The following AP3M2 variants were observed in gnomAD, a reference collection of about 807,000 sequenced individuals.
AP3M2 encodes AP-3 complex subunit mu-2.
In AP3M2, 28 loss-of-function variants were observed where a neutral mutation model predicts 41.6. The ratio of observed to expected loss-of-function variants is 0.67; its 90% CI spans 0.50 to 0.92. The LOEUF is 0.92. Among genes scored for constraint, AP3M2 ranks in the 40% least tolerant of loss-of-function variants. The probability of loss-of-function intolerance (pLI) is 0.00; values close to 1 mark genes in which losing one functional copy is unlikely to be tolerated. For synonymous variants in AP3M2, 193 were observed against 186.4 expected, an observed-to-expected ratio of 1.04 and a Z score of -0.29; for missense variants, 427 against 521.4, an observed-to-expected ratio of 0.82 and a Z score of 1.76.
At chr8:42,164,843 T>C (rs1804597833) in intron 4 of AP3M2, among the ~76,000 whole-genome samples, 1 of 152,172 alleles carries the variant, frequency 6.6e-6, no homozygotes, top group African/African-American at 2.4e-5. Flanking sequence ...CTCACCATAG[T>C]GTCTCATGCT....
chr8:42,169,031 C>G lies in AP3M2; in HGVS notation c.1227C>G (p.Thr409=). 3 of 1,611,396 alleles carry G rather than the reference C, an allele frequency of 1.9e-6. No individual in the cohort carries two copies. Among genetic ancestry groups the G allele is most frequent in the Non-Finnish European group, 2.5e-6 (3 of 1,178,846 alleles). ...CCTTTAAGGGCATAAAATACATGAC[C>G]AAAGCTGGGAAGTTCCAAGTTCGAA... ...YKPFKGIKYM[T]KAGKFQVRT is the part of the protein sequence containing the mutation. Residue 409 remains threonine (T), a synonymous_variant, in exon 9 of 9, where the codon ACC becomes ACG. Coordinates refer to ENST00000396926, the MANE Select transcript of AP3M2 (RefSeq NM_006803.4).
At chr8:42,160,220 ATT>A (rs970601276) in intron 3 of AP3M2, among the ~76,000 whole-genome samples, 30 of 152,298 alleles carry the variant, frequency 2.0e-4, no homozygotes, top group African/African-American at 7.2e-4. Flanking sequence ...AATTTGAAAC[ATT>A]TCTGGTCCTG....
intron 8 of AP3M2, chr8:42,168,092 C>T: frequency 1.8e-6 from 1 of 565,746 alleles, no homozygotes; most frequent in Non-Finnish European, 3.3e-6. Context: ...TTTGGATCAT[C>T]TTAGGGTTGT....
chr8:42,167,115 C>T (rs953583715), intron 6 of AP3M2, 49 bp from the exon 7 acceptor site: 24 of 1,550,148 alleles, frequency 1.5e-5, no homozygotes, highest in African/African-American at 4.1e-5. Flanking sequence ...GGAAGAACTA[C>T]CATTTTCCCA....
chr8:42,154,893 T>C lies in AP3M2; in HGVS notation c.206T>C (p.Val69Ala). 4 of 1,614,212 alleles carry C rather than the reference T, an allele frequency of 2.5e-6. No individual in the cohort carries two copies. Among genetic ancestry groups the C allele is most frequent in the Non-Finnish European group, 3.4e-6 (4 of 1,180,034 alleles). The change falls in exon 2 of 9, where the codon GTG becomes GCG. Residue 69 changes from valine (V) to alanine (A), a missense_variant. Around this residue, in one of 3 missense-constraint regions of AP3M2, gnomAD observed 104 missense variants for 93.8 expected, o/e 1.11. Coordinates refer to ENST00000396926, the MANE Select transcript of AP3M2 (RefSeq NM_006803.4). Reference sequence around the variant, plus strand: ...CGCCACAAGATCTTTTTTGTGGCCGTGATCCAGACGGAGGTCCCCCCTCTG... The same window carrying C: ...CGCCACAAGATCTTTTTTGTGGCCGCGATCCAGACGGAGGTCCCCCCTCTG... ...VYRHKIFFVAVIQTEVPPLFV... is the reference protein window; with the variant it reads ...VYRHKIFFVAAIQTEVPPLFV...
chr8:42,161,886 C>T (rs1804514974), intron 3 of AP3M2, among the ~76,000 whole-genome samples: 2 of 151,960 alleles, frequency 1.3e-5, no homozygotes, highest in African/African-American at 2.4e-5. Context: ...ATAAATGTAC[C>T]TAAGAACCTA....
Position 42,167,257 on chromosome 8 carries a change from G to T in AP3M2, c.897G>T (p.Gln299His). Residue 299 changes from glutamine to histidine, a missense_variant, in exon 7 of 9, where the codon CAG becomes CAT. Physicochemically the swap from Gln to His is conservative, Grantham distance 24. Coordinates refer to ENST00000396926, the MANE Select transcript of AP3M2 (RefSeq NM_006803.4). Reference sequence around the variant, plus strand: ...TTGAAATAACGGTGGGACCCAAGCAGACGATGGGGAAGACCATTGAGGGAG... The same window carrying T: ...TTGAAATAACGGTGGGACCCAAGCATACGATGGGGAAGACCATTGAGGGAG... The part of the protein sequence containing the change: ...GRFEITVGPK[Q>H]TMGKTIEGVT... 6.2e-7 allele frequency: 1 copy of T among 1,614,126 alleles called. No homozygotes were observed. The highest frequency in any genetic ancestry group is 1.3e-5 in the African/African-American group (1 of 75,024).
In AP3M2 at chr8:42,167,758, T is replaced by C. The variant is rs769023297; in HGVS notation, c.1104T>C (p.Asp368=). ...MSLQAGASKP[D]ENPTINLQFK... is the part of the protein sequence containing the mutation. ...TTCAGGCTGGAGCTTCCAAACCAGA[T>C]GAAAACCCCACAATTAACCTGCAGT... is the stretch of plus-strand genomic sequence containing the variant. The change falls in exon 8 of 9, where the codon GAT becomes GAC. Residue 368 remains aspartate, a synonymous_variant. Transcript: ENST00000396926. The C allele has an allele frequency of 3.7e-5, 60 of 1,613,974 alleles. No homozygotes were observed. Among genetic ancestry groups the C allele is most frequent in the Non-Finnish European group, 5.0e-5 (59 of 1,180,010 alleles).
rs190468938 is a variant in AP3M2 at position 42,155,943 on chromosome 8, A to G, written c.273+983A>G. The G allele has an allele frequency of 1.6e-3, 737 of 455,106 alleles. 6 individuals carry two copies. Among genetic ancestry groups the G allele is most frequent in the African/African-American group, 0.013 (667 of 49,928 alleles). 28.2% of individuals were successfully genotyped at this position (455,106 alleles called of 1,614,324 possible). On this transcript the variant is annotated intron_variant, in intron 2 of 8. Transcript: ENST00000396926. ...CAACTTCCCTTCCCAAGAGAATTAA[A>G]ATACATTTTTTGTTTTTCCCTGCAA...
chr8:42,161,658 G>A (rs1320234481), intron 3 of AP3M2, among the ~76,000 whole-genome samples: 8 of 152,106 alleles, frequency 5.3e-5, no homozygotes, highest in African/African-American at 1.7e-4. Context: ...GGTAATGGAA[G>A]AAGGAAATAG....
At chr8:42,160,724 G>A (rs1180089093) in intron 3 of AP3M2, among the ~76,000 whole-genome samples, 2 of 152,084 alleles carry the variant, frequency 1.3e-5, no homozygotes, top group African/African-American at 4.8e-5. Flanking sequence ...CTTTTCCCCT[G>A]TTTTAGAATG....
At chr8:42,154,512 G>C (rs997452452) in intron 1 of AP3M2, 104 bp from the exon 2 acceptor site, 69 of 847,624 alleles carry the variant, frequency 8.1e-5, no homozygotes, top group Non-Finnish European at 1.2e-4. Context: ...AGGAGGGGAA[G>C]ATTGGGCCTG....
intron 2 of AP3M2, chr8:42,155,797 CAT>C (rs762915768): frequency 2.2e-5 from 7 of 325,524 alleles, no homozygotes; most frequent in Non-Finnish European, 4.3e-5. Context: ...TGGAATGAGT[CAT>C]ATGAACACTG....
Position 42,154,833 on chromosome 8 carries a change from T to C in AP3M2, c.146T>C (p.Ile49Thr), listed in dbSNP as rs752019367. ...GAGGCAGAAAATGTGCCTCCGGTTATCCCTACCCCTCACCACTATCTCTTA... is the reference window on the plus strand; with the variant it reads ...GAGGCAGAAAATGTGCCTCCGGTTACCCCTACCCCTCACCACTATCTCTTA... ...ATEAENVPPV[I>T]PTPHHYLLSV... The change falls in exon 2 of 9, where the codon ATC (isoleucine) becomes ACC (threonine). Residue 49 changes from isoleucine to threonine, a missense_variant. Around this residue, in one of 3 missense-constraint regions of AP3M2, gnomAD observed 104 missense variants for 93.8 expected, o/e 1.11. Transcript: ENST00000396926. 11 of 1,614,154 alleles carry C rather than the reference T, an allele frequency of 6.8e-6. No homozygotes were observed. Among genetic ancestry groups the C allele is most frequent in the Non-Finnish European group, 9.3e-6 (11 of 1,180,034 alleles).
chr8:42,154,098 G>A (rs1332217831), intron 1 of AP3M2: 1 of 151,714 alleles, frequency 6.6e-6, no homozygotes, highest in Non-Finnish European at 1.5e-5. Context: ...TTCATGCAAA[G>A]CCTTTCAGAT....
At chr8:42,157,916 A>G in intron 2 of AP3M2, 25 bp from the exon 3 acceptor site, 6 of 1,593,540 alleles carry the variant, frequency 3.8e-6, no homozygotes, top group East Asian at 2.2e-5. Context: ...CTGAGTGATC[A>G]ATGTGTATAT....
chr8:42,159,447 C>T (rs1281509765), intron 3 of AP3M2, among the ~76,000 whole-genome samples: 1 of 152,144 alleles, frequency 6.6e-6, no homozygotes, highest in Non-Finnish European at 1.5e-5. Context: ...CTTGTATTTA[C>T]AGTCATTTTT....
intron 2 of AP3M2, 54 bp downstream of exon 2, chr8:42,155,014 C>A: frequency 6.8e-7 from 1 of 1,460,214 alleles, no homozygotes; most frequent in South Asian, 1.2e-5. Context: ...TCTTTGTAGT[C>A]CTGTTTCCAT....
At chr8:42,168,319 A>G in intron 8 of AP3M2, 1 of 434,444 alleles carries the variant, frequency 2.3e-6, no homozygotes, top group Non-Finnish European at 4.7e-6. Flanking sequence ...GGCATTTACC[A>G]TGTTCCAGGC....
Sources: allele counts gnomAD v4.1 joint callset (sites outside exome capture counted in the v4.1 genomes callset), GRCh38; gene constraint gnomAD v4.1.1; regional missense constraint gnomAD v4.1.1; transcripts MANE v1.5; gene names NCBI Gene and HGNC (gene_info 2026-07-23, HGNC 2026-07-21).